C18orf63: variants seen among roughly 807,000 people sequenced by gnomAD.
C18orf63 encodes chromosome 18 open reading frame 63.
A neutral mutation model predicts 75.3 loss-of-function variants in C18orf63; 50 were observed. That is an observed-to-expected ratio of 0.66 (90% confidence interval 0.53 to 0.84). The LOEUF is 0.84. Ranked by LOEUF, C18orf63 falls within the 40% of genes least tolerant of loss-of-function variation. C18orf63 has a pLI of 0.00. For missense variants in C18orf63, 732 were observed against 800.2 expected (o/e 0.91, Z 1.03); for synonymous variants, 232 against 267.6 (o/e 0.87, Z 1.30).
At chr18:74,342,539 T>G (rs1984506270) in intron 10 of C18orf63, among the ~76,000 whole-genome samples, 1 of 152,196 alleles carries the variant, frequency 6.6e-6, no homozygotes, top group Non-Finnish European at 1.5e-5. Flanking sequence ...TAAGGATATT[T>G]TCCTTAAACA....
intron 11 of C18orf63, among the ~76,000 whole-genome samples, chr18:74,348,223 G>T (rs1335145900): frequency 6.6e-6 from 1 of 152,060 alleles, no homozygotes; most frequent in African/African-American, 2.4e-5. Flanking sequence ...CCAGTTATTT[G>T]CTAGAAAACT....
chr18:74,321,473 G>A (rs922470096), intron 3 of C18orf63, among the ~76,000 whole-genome samples: 5 of 151,874 alleles, frequency 3.3e-5, no homozygotes, highest in Non-Finnish European at 7.4e-5. Context: ...CACAGCTAAT[G>A]TTTTGTATTT....
intron 3 of C18orf63, among the ~76,000 whole-genome samples, chr18:74,322,120 G>T (rs1275206016): frequency 9.9e-5 from 15 of 152,130 alleles, no homozygotes; most frequent in Non-Finnish European, 1.5e-5. Flanking sequence ...CATTTTTAGA[G>T]GTAGCTTGTA....
intron 4 of C18orf63, among the ~76,000 whole-genome samples, chr18:74,325,846 T>G (rs918829694): frequency 2.6e-4 from 40 of 152,336 alleles, no homozygotes; most frequent in African/African-American, 9.4e-4. Context: ...GTCCTTGACT[T>G]TAGCTGAAGT....
chr18:74,349,574 T>C (rs1984632270), intron 11 of C18orf63, among the ~76,000 whole-genome samples: 1 of 152,174 alleles, frequency 6.6e-6, no homozygotes, highest in Admixed American at 6.5e-5. Context: ...CGAACCCTAT[T>C]GTGAACTGCG....
chr18:74,331,557 C>T (rs532750132), intron 7 of C18orf63, among the ~76,000 whole-genome samples: 1 of 152,204 alleles, frequency 6.6e-6, no homozygotes, highest in South Asian at 2.1e-4. Flanking sequence ...TGTCTAGAGA[C>T]AATTTTGGTT....
chr18:74,343,671 A>C lies in C18orf63; in HGVS notation c.947A>C (p.Tyr316Ser). ...AAGATGACAAGTAAACCATGCTACTACACACAAGAACTAACTAAACCTAAT... is the reference window on the plus strand; with the variant it reads ...AAGATGACAAGTAAACCATGCTACTCCACACAAGAACTAACTAAACCTAAT... ...PIKMTSKPCY[Y>S]TQELTKPNIQ... The change falls in exon 11 of 14, where the codon TAC (tyrosine) becomes TCC (serine). Residue 316 changes from tyrosine to serine, a missense_variant. Coordinates refer to ENST00000579455, the MANE Select transcript of C18orf63 (RefSeq NM_001174123.2). The C allele has an allele frequency of 6.5e-7, 1 of 1,530,708 alleles. No homozygotes were observed. The highest frequency in any genetic ancestry group is 8.7e-7 in the Non-Finnish European group (1 of 1,144,136). The allele number at this position is 1,530,708 out of a possible 1,614,324, so 94.8% of individuals were successfully genotyped here.
intron 7 of C18orf63, among the ~76,000 whole-genome samples, chr18:74,336,186 C>T (rs1208436314): frequency 6.6e-6 from 1 of 152,010 alleles, no homozygotes; most frequent in East Asian, 1.9e-4. Flanking sequence ...CTGAGTTTGT[C>T]CTTCAACTCT....
intron 11 of C18orf63, among the ~76,000 whole-genome samples, chr18:74,350,542 G>A (rs530530092): frequency 4.1e-4 from 63 of 152,228 alleles, no homozygotes; most frequent in Non-Finnish European, 8.5e-4. Flanking sequence ...AAACAGGCCC[G>A]GAACAGATCC....
In C18orf63 at chr18:74,322,759, G is replaced by T; in HGVS notation, c.270+5G>T. 8.0e-7 allele frequency: 1 copy of T among 1,248,642 alleles called. No individual in the cohort carries two copies. Among genetic ancestry groups the T allele is most frequent in the Admixed American group, 2.3e-5 (1 of 43,116 alleles). 77.3% of individuals were successfully genotyped at this position (1,248,642 alleles called of 1,614,324 possible). On this transcript the variant is annotated splice_donor_5th_base_variant and intron_variant, in intron 4 of 13. Transcript: ENST00000579455. The stretch of plus-strand genomic sequence containing the variant: ...GTTGAAAAATATGGAGCTAAGGTAA[G>T]TGTTAAAAAATGATATTAATACCAT...
intron 7 of C18orf63, 29 bp from the exon 8 acceptor site, chr18:74,338,686 G>T: frequency 2.1e-6 from 2 of 955,798 alleles, no homozygotes; most frequent in South Asian, 2.7e-5. Context: ...AATGATTTGA[G>T]GACTTACAAA....
At chr18:74,349,271 G>T (rs1984625893) in intron 11 of C18orf63, among the ~76,000 whole-genome samples, 1 of 152,130 alleles carries the variant, frequency 6.6e-6, no homozygotes, top group Non-Finnish European at 1.5e-5. Flanking sequence ...TCTCTTTAAG[G>T]TAGAAATGTT....
intron 7 of C18orf63, among the ~76,000 whole-genome samples, chr18:74,333,110 T>C (rs1437748510): frequency 6.6e-6 from 1 of 152,176 alleles, no homozygotes; most frequent in African/African-American, 2.4e-5. Flanking sequence ...AACTGGGATA[T>C]ATAGTCATGC....
At chr18:74,331,000 A>AAAAG in intron 7 of C18orf63, 58 bp downstream of exon 7, 2 of 669,002 alleles carry the variant, frequency 3.0e-6, no homozygotes, top group Non-Finnish European at 4.4e-6. Flanking sequence ...TTTTATATTT[A>AAAAG]TTATTGTTAC....
intron 13 of C18orf63, among the ~76,000 whole-genome samples, chr18:74,355,953 G>A (rs926855748): frequency 2.0e-5 from 3 of 152,066 alleles, no homozygotes; most frequent in South Asian, 2.1e-4. Context: ...CAGCTACTTC[G>A]GGGACTGAGG....
chr18:74,351,814 A>G (rs1984671956), intron 11 of C18orf63, among the ~76,000 whole-genome samples: 1 of 152,210 alleles, frequency 6.6e-6, no homozygotes, highest in East Asian at 1.9e-4. Context: ...AACCTCCAGT[A>G]GTGGAGAGAA....
At chr18:74,337,307 G>A (rs547631339) in intron 7 of C18orf63, among the ~76,000 whole-genome samples, 111 of 152,186 alleles carry the variant, frequency 7.3e-4, no homozygotes, top group African/African-American at 2.6e-3. Flanking sequence ...CAGCTGGGTG[G>A]TTTGCCAGTC....
chr18:74,349,861 G>A (rs1051099987), intron 11 of C18orf63, among the ~76,000 whole-genome samples: 6 of 152,218 alleles, frequency 3.9e-5, no homozygotes, highest in Non-Finnish European at 7.3e-5. Flanking sequence ...AAACAGAAGT[G>A]TGGCTAGACC....
intron 8 of C18orf63, among the ~76,000 whole-genome samples, chr18:74,340,712 G>T (rs183606266): frequency 1.8e-4 from 27 of 151,882 alleles, no homozygotes; most frequent in South Asian, 8.3e-4. Flanking sequence ...CAACATGGAT[G>T]AATCTAAGGA....
Sources: gnomAD v4.1 joint callset for allele counts (sites outside exome capture counted in the v4.1 genomes callset) on GRCh38, gnomAD v4.1.1 for gene constraint, MANE v1.5 for transcripts, NCBI Gene and HGNC (gene_info 2026-07-23, HGNC 2026-07-21) for gene names.